The following CDH13 variants were observed in gnomAD, a reference collection of about 807,000 sequenced individuals.
CDH13 encodes the protein cadherin-13.
CDH13 carries 24 observed loss-of-function variants against 63.8 expected under a neutral mutation model. The observed-to-expected ratio is 0.38, with a 90% CI of 0.27 to 0.53. CDH13 has a LOEUF of 0.53. Among genes scored for constraint, CDH13 ranks in the 20% least tolerant of loss-of-function variants. CDH13 has a pLI of 0.85. For synonymous variants in CDH13, 503 were observed against 355.3 expected, an observed-to-expected ratio of 1.42 and a Z score of -4.67; for missense variants, 1,049 against 903.1, an observed-to-expected ratio of 1.16 and a Z score of -2.07.
chr16:83,053,279 A>G (rs2030575084), intron 3 of CDH13, among the ~76,000 whole-genome samples: 1 of 152,186 alleles, frequency 6.6e-6, no homozygotes, highest in South Asian at 2.1e-4. Flanking sequence ...TTAAAAAGGT[A>G]TCATAACCTT....
chr16:83,353,055 T>C (rs966969061), intron 6 of CDH13, among the ~76,000 whole-genome samples: 31 of 152,242 alleles, frequency 2.0e-4, no homozygotes, highest in African/African-American at 7.2e-4. Flanking sequence ...AATAATAGAC[T>C]TTGGAGACTC....
chr16:83,756,385 A>T (rs1387808024), intron 11 of CDH13, among the ~76,000 whole-genome samples: 1 of 152,258 alleles, frequency 6.6e-6, no homozygotes, highest in Admixed American at 6.5e-5. Flanking sequence ...TGGAAATAAA[A>T]GAAAAATATA....
chr16:83,192,976 C>A (rs559972619), intron 4 of CDH13, among the ~76,000 whole-genome samples: 4 of 151,986 alleles, frequency 2.6e-5, no homozygotes, highest in Admixed American at 6.6e-5. Context: ...TGTACTTGGG[C>A]TTTGTATTTG....
intron 2 of CDH13, among the ~76,000 whole-genome samples, chr16:82,977,948 A>T (rs561322198): frequency 6.6e-5 from 10 of 152,188 alleles, no homozygotes; most frequent in Non-Finnish European, 8.8e-5. Flanking sequence ...TGATAGTGAT[A>T]TGGACAATGA....
chr16:82,776,006 T>C (rs1487704136), intron 1 of CDH13, among the ~76,000 whole-genome samples: 3 of 152,116 alleles, frequency 2.0e-5, no homozygotes, highest in Non-Finnish European at 4.4e-5. Flanking sequence ...GGCCAGGAGT[T>C]CAAGACCAGT....
At chr16:83,681,101 C>T (rs943643945) in intron 10 of CDH13, among the ~76,000 whole-genome samples, 1 of 151,922 alleles carries the variant, frequency 6.6e-6, no homozygotes, top group Non-Finnish European at 1.5e-5. Context: ...AGAAGATGAG[C>T]AGGACAGATT....
At chr16:83,119,496 A>G (rs1185949783) in intron 3 of CDH13, among the ~76,000 whole-genome samples, 1 of 152,206 alleles carries the variant, frequency 6.6e-6, no homozygotes, top group Non-Finnish European at 1.5e-5. Context: ...TGGCAACACC[A>G]GAAGTCAAGA....
chr16:83,707,836 C>CAAAAAACAAAAAAAAAAAAAAAAAAAAA, intron 10 of CDH13, among the ~76,000 whole-genome samples: 1 of 78,902 alleles, frequency 1.3e-5, no homozygotes, highest in Non-Finnish European at 2.3e-5. Flanking sequence ...ACCCTAAAGG[C>CAAAAAACAAAAAAAAAAAAAAAAAAAAA]AAAAAAAAAA....
chr16:83,341,233 G>A (rs1333055821), intron 5 of CDH13, among the ~76,000 whole-genome samples: 1 of 152,194 alleles, frequency 6.6e-6, no homozygotes, highest in Non-Finnish European at 1.5e-5. Flanking sequence ...CTAAGGTTTT[G>A]TGTGCTTTGG....
chr16:83,255,014 T>C (rs1034806967), intron 5 of CDH13, among the ~76,000 whole-genome samples: 1 of 105,216 alleles, frequency 9.5e-6, no homozygotes, highest in Admixed American at 1.0e-4. Flanking sequence ...TTTCTTTCTT[T>C]TTTGCAGCTG....
chr16:83,167,793 C>T (rs1401909785), intron 4 of CDH13, among the ~76,000 whole-genome samples: 1 of 151,644 alleles, frequency 6.6e-6, no homozygotes, highest in Non-Finnish European at 1.5e-5. Flanking sequence ...GGCATAGAAT[C>T]AACCTAGGTG....
chr16:82,748,143 C>T (rs2034259357), intron 1 of CDH13, among the ~76,000 whole-genome samples: 1 of 152,152 alleles, frequency 6.6e-6, no homozygotes, highest in Admixed American at 6.5e-5. Flanking sequence ...GACTCCCTGG[C>T]ATTTCAGCAT....
At chr16:82,689,818 T>A (rs376283784) in intron 1 of CDH13, among the ~76,000 whole-genome samples, 1 of 151,586 alleles carries the variant, frequency 6.6e-6, no homozygotes, top group African/African-American at 2.4e-5. Flanking sequence ...GAAGATGTAA[T>A]GCATTTCTGT....
chr16:82,975,921 C>T (rs906611792), intron 2 of CDH13, among the ~76,000 whole-genome samples: 4 of 152,222 alleles, frequency 2.6e-5, no homozygotes, highest in African/African-American at 9.6e-5. Context: ...CATCTCTCCT[C>T]CAAGCGCTCT....
chr16:83,395,147 CAAAAAAA>C (rs56374797), intron 6 of CDH13, among the ~76,000 whole-genome samples: 1 of 106,728 alleles, frequency 9.4e-6, no homozygotes. Context: ...GACTCCATCT[CAAAAAAA>C]AAAAAAAAAA....
At chr16:83,203,858 G>A (rs534574406) in intron 4 of CDH13, among the ~76,000 whole-genome samples, 2 of 152,076 alleles carry the variant, frequency 1.3e-5, no homozygotes, top group South Asian at 2.1e-4. Flanking sequence ...AGCATCCGAG[G>A]GCATGATTAA....
intron 1 of CDH13, among the ~76,000 whole-genome samples, chr16:82,795,943 TC>T (rs1775805261): frequency 7.4e-6 from 1 of 135,546 alleles, no homozygotes; most frequent in South Asian, 2.5e-4. Context: ...CACCCTTCAT[TC>T]TTTTTTTTTT....
intron 6 of CDH13, among the ~76,000 whole-genome samples, chr16:83,419,460 G>C (rs960908606): frequency 6.6e-6 from 1 of 152,158 alleles, no homozygotes; most frequent in African/African-American, 2.4e-5. Context: ...CCACCAATAA[G>C]TTACCTTCTA....
intron 3 of CDH13, among the ~76,000 whole-genome samples, chr16:83,122,963 T>C (rs2151640438): frequency 6.6e-6 from 1 of 152,262 alleles, no homozygotes; most frequent in South Asian, 2.1e-4. Flanking sequence ...CACTGTCTCT[T>C]ATTCCACTCT....
Sources: allele counts gnomAD v4.1 joint callset (sites outside exome capture counted in the v4.1 genomes callset), GRCh38; gene constraint gnomAD v4.1.1; transcripts MANE v1.5; gene names NCBI Gene and HGNC (gene_info 2026-07-23, HGNC 2026-07-21).